The following PACRG variants were observed in gnomAD, a reference collection of about 807,000 sequenced individuals.
PACRG encodes the protein parkin coregulated gene protein.
Under a neutral mutation model 29.7 loss-of-function variants are expected in PACRG, and 29 were observed. The observed-to-expected ratio is 0.98, with a 90% confidence interval of 0.73 to 1.33. The LOEUF is 1.33. Among genes scored for constraint, PACRG ranks in the 40% most tolerant of loss-of-function variants. The probability of loss-of-function intolerance (pLI) is 0.00; values close to 1 mark genes in which losing one functional copy is unlikely to be tolerated. For synonymous variants in PACRG, 116 were observed against 118.7 expected, an observed-to-expected ratio of 0.98 and a Z score of 0.15; for missense variants, 279 against 316.2, an observed-to-expected ratio of 0.88 and a Z score of 0.89.
At chr6:162,876,774 A>G (rs1186421609) in intron 2 of PACRG, among the ~76,000 whole-genome samples, 1 of 152,138 alleles carries the variant, frequency 6.6e-6, no homozygotes, top group Non-Finnish European at 1.5e-5. Context: ...TTAGTCATGA[A>G]GTCTTTGCCC....
At chr6:162,947,318 TATAATAC>T (rs1799107276) in intron 2 of PACRG, among the ~76,000 whole-genome samples, 1 of 118,524 alleles carries the variant, frequency 8.4e-6, no homozygotes, top group African/African-American at 3.3e-5. Context: ...TATAATCATA[TATAATAC>T]ATATAATCAT....
chr6:162,962,588 G>A (rs562909514), intron 2 of PACRG, among the ~76,000 whole-genome samples: 22 of 152,232 alleles, frequency 1.4e-4, no homozygotes, highest in African/African-American at 5.3e-4. Flanking sequence ...AGAGACCTGA[G>A]CTCTCTTACC....
intron 1 of PACRG, among the ~76,000 whole-genome samples, chr6:162,760,480 G>A (rs1782262488): frequency 6.6e-6 from 1 of 152,178 alleles, no homozygotes; most frequent in African/African-American, 2.4e-5. Context: ...GACAGTGGCA[G>A]ATGAGGAGCT....
rs753545374 is a variant in PACRG, at chr6:163,312,827, G to A, written c.614-2000G>A. ...GAGTGCAGTGGCGCGATCATGGCTC[G>A]TTGCAACCTCGACCACCTGGGCTCA... On this transcript the variant is annotated intron_variant, in intron 4 of 4. Coordinates refer to ENST00000366888, the MANE Select transcript of PACRG (RefSeq NM_001080379.2). The A allele has an allele frequency of 2.4e-5, 10 of 425,484 alleles. 1 individual carries two copies. Among genetic ancestry groups the A allele is most frequent in the South Asian group, 1.5e-4 (9 of 59,886 alleles). The allele number at this position is 425,484 out of a possible 1,614,324, so 26.4% of individuals were successfully genotyped here.
At chr6:162,804,020 A>C (rs1786104295) in intron 1 of PACRG, among the ~76,000 whole-genome samples, 1 of 152,312 alleles carries the variant, frequency 6.6e-6, no homozygotes, top group Non-Finnish European at 1.5e-5. Flanking sequence ...TTAAATACAA[A>C]ATTTTGATAG....
intron 4 of PACRG, among the ~76,000 whole-genome samples, chr6:163,158,634 T>C (rs563920749): frequency 2.8e-4 from 43 of 152,320 alleles, no homozygotes; most frequent in African/African-American, 1.0e-3. Flanking sequence ...TGAGAAGAGG[T>C]AATAGCAAAA....
At chr6:163,020,753 C>T (rs921634625) in intron 2 of PACRG, among the ~76,000 whole-genome samples, 7 of 151,956 alleles carry the variant, frequency 4.6e-5, no homozygotes, top group Admixed American at 6.6e-5. Flanking sequence ...CATTGCTCTC[C>T]ACTGATACTT....
At chr6:162,790,708 G>A (rs898737626) in intron 1 of PACRG, among the ~76,000 whole-genome samples, 14 of 152,050 alleles carry the variant, frequency 9.2e-5, no homozygotes, top group African/African-American at 3.4e-4. Flanking sequence ...TCCTAAGTAG[G>A]CTGAAGATAT....
intron 2 of PACRG, among the ~76,000 whole-genome samples, chr6:162,895,253 G>A (rs1420809384): frequency 7.4e-6 from 1 of 134,338 alleles, no homozygotes. Flanking sequence ...CTGGGTGACA[G>A]AGTGAGACCC....
intron 3 of PACRG, among the ~76,000 whole-genome samples, chr6:163,072,789 C>T (rs1344180319): frequency 3.3e-5 from 5 of 152,084 alleles, no homozygotes; most frequent in Non-Finnish European, 1.5e-5. Flanking sequence ...AAACAAAAAT[C>T]ATTAGCATTT....
At chr6:163,034,690 G>A (rs549415923) in intron 2 of PACRG, among the ~76,000 whole-genome samples, 1 of 152,058 alleles carries the variant, frequency 6.6e-6, no homozygotes, top group South Asian at 2.1e-4. Context: ...TCCCTTCCAT[G>A]TTCACCAGAA....
At chr6:162,749,111 T>C (rs186624515) in intron 1 of PACRG, among the ~76,000 whole-genome samples, 1 of 152,220 alleles carries the variant, frequency 6.6e-6, no homozygotes, top group Admixed American at 6.5e-5. Flanking sequence ...CTTTATTCCT[T>C]TTTATTGCTG....
intron 4 of PACRG, among the ~76,000 whole-genome samples, chr6:163,293,563 C>T (rs1784686743): frequency 6.6e-6 from 1 of 152,150 alleles, no homozygotes; most frequent in Non-Finnish European, 1.5e-5. Flanking sequence ...TTAGAAATTT[C>T]ACTTATTACC....
chr6:162,901,746 T>C (rs1795573612), intron 2 of PACRG, among the ~76,000 whole-genome samples: 1 of 152,348 alleles, frequency 6.6e-6, no homozygotes, highest in South Asian at 2.1e-4. Flanking sequence ...TTGTTAGATT[T>C]CAGTTTAAAA....
chr6:163,089,157 C>T (rs1813864909), intron 3 of PACRG, 102 bp from the exon 4 acceptor site: 2 of 1,231,944 alleles, frequency 1.6e-6, no homozygotes, highest in Admixed American at 4.3e-5. Flanking sequence ...CAGTAGAGCA[C>T]AGTTTAATTA....
intron 4 of PACRG, among the ~76,000 whole-genome samples, chr6:163,102,629 C>A (rs886333639): frequency 2.0e-5 from 3 of 152,098 alleles, no homozygotes; most frequent in Non-Finnish European, 1.5e-5. Flanking sequence ...TGCTAAGGAC[C>A]ACGTGATGAT....
At chr6:162,986,737 G>A (rs1368698990) in intron 2 of PACRG, among the ~76,000 whole-genome samples, 5 of 152,066 alleles carry the variant, frequency 3.3e-5, no homozygotes, top group African/African-American at 1.2e-4. Context: ...CTTTGTTTTT[G>A]TCTGATTGGA....
intron 3 of PACRG, among the ~76,000 whole-genome samples, chr6:163,065,881 C>T (rs757781125): frequency 6.6e-6 from 1 of 152,058 alleles, no homozygotes; most frequent in African/African-American, 2.4e-5. Context: ...AACGTTAAGG[C>T]GCTCTCTCAG....
chr6:163,260,848 G>A (rs1187874199), intron 4 of PACRG, among the ~76,000 whole-genome samples: 1 of 152,162 alleles, frequency 6.6e-6, no homozygotes, highest in Non-Finnish European at 1.5e-5. Flanking sequence ...CGTTCCCTGT[G>A]GGGACACAGC....
Sources: gnomAD v4.1 joint callset for allele counts (sites outside exome capture counted in the v4.1 genomes callset) on GRCh38, gnomAD v4.1.1 for gene constraint, MANE v1.5 for transcripts, NCBI Gene and HGNC (gene_info 2026-07-23, HGNC 2026-07-21) for gene names.